Variants in ADGRB3 observed in about 807,000 individuals in gnomAD.
ADGRB3 encodes brain-specific angiogenesis inhibitor 3.
Under a neutral mutation model 193.4 loss-of-function variants are expected in ADGRB3, and 37 were observed. The observed-to-expected ratio is 0.19, with a 90% CI of 0.15 to 0.25. The LOEUF is 0.25. Ranked by LOEUF, ADGRB3 falls within the 10% of genes least tolerant of loss-of-function variation. The pLI, the probability that ADGRB3 is intolerant of heterozygous loss-of-function variation, is 1.00. For synonymous variants in ADGRB3, 690 were observed against 644.2 expected (o/e 1.07, Z -1.08); for missense variants, 1,637 against 1,852.9 (o/e 0.88, Z 2.14).
chr6:68,930,044 A>G lies in ADGRB3; in HGVS notation c.758-515A>G, dbSNP rs543310771. On this transcript the variant is annotated intron_variant, in intron 3 of 31. Transcript: ENST00000370598. The stretch of plus-strand genomic sequence containing the variant: ...ATTCCATGAGCCTTTGAGAACACCA[A>G]GGGCAACCTCATCTTTGGATGAAAA... 4.6e-5 allele frequency among the ~76,000 whole-genome samples: 7 copies of G among 151,930 alleles called. No individual in the cohort carries two copies. The South Asian group carries it at 1.2e-3, about 27-fold the overall frequency.
chr6:69,212,352 A>T (rs915238131), intron 17 of ADGRB3, among the ~76,000 whole-genome samples: 1 of 152,200 alleles, frequency 6.6e-6, no homozygotes, highest in Non-Finnish European at 1.5e-5. Flanking sequence ...GGAGAAACAT[A>T]AGACTGTTTA....
At chr6:68,771,591 C>T (rs1164465888) in intron 3 of ADGRB3, among the ~76,000 whole-genome samples, 2 of 152,030 alleles carry the variant, frequency 1.3e-5, no homozygotes, top group Non-Finnish European at 2.9e-5. Flanking sequence ...ACTGACAATA[C>T]AGCAGTAATG....
chr6:68,900,519 G>C (rs1766365457), intron 3 of ADGRB3, among the ~76,000 whole-genome samples: 1 of 152,080 alleles, frequency 6.6e-6, no homozygotes, highest in East Asian at 1.9e-4. Flanking sequence ...ATTGACTTCA[G>C]CAGAAAAAGA....
chr6:69,247,391 G>C (rs1223488368), intron 20 of ADGRB3, among the ~76,000 whole-genome samples: 1 of 152,088 alleles, frequency 6.6e-6, no homozygotes, highest in East Asian at 1.9e-4. Flanking sequence ...TTCTGGCTTG[G>C]CAACAAGAGC....
chr6:69,125,555 G>A (rs1479534294), intron 17 of ADGRB3, among the ~76,000 whole-genome samples: 1 of 152,046 alleles, frequency 6.6e-6, no homozygotes. Context: ...CCTTCCACGT[G>A]GAAGCAGGCC....
intron 3 of ADGRB3, among the ~76,000 whole-genome samples, chr6:68,918,857 A>G (rs550030168): frequency 6.6e-6 from 1 of 152,294 alleles, no homozygotes; most frequent in Admixed American, 6.5e-5. Flanking sequence ...GGCATTTAAT[A>G]AAAGTTGGAT....
At chr6:69,074,635 C>T (rs1225789590) in intron 16 of ADGRB3, among the ~76,000 whole-genome samples, 1 of 151,458 alleles carries the variant, frequency 6.6e-6, no homozygotes, top group Admixed American at 6.6e-5. Flanking sequence ...AGCTCCACCT[C>T]CTGGGTTGAC....
chr6:68,661,577 G>A, intron 3 of ADGRB3, among the ~76,000 whole-genome samples: 1 of 113,224 alleles, frequency 8.8e-6, no homozygotes, highest in Non-Finnish European at 1.8e-5. Context: ...ATATAGTTAT[G>A]ACCTATGGCT....
chr6:68,922,621 T>A (rs143489704), intron 3 of ADGRB3, among the ~76,000 whole-genome samples: 2 of 152,210 alleles, frequency 1.3e-5, no homozygotes, highest in African/African-American at 4.8e-5. Context: ...GAGAAAAAAA[T>A]GTAATTTTAG....
rs1000761626 is a variant in ADGRB3, at chr6:69,078,699, C to T, written c.2480+2661C>T. ...ACATCTCTCCCTGAGGATATCTCTG[C>T]TCACATAATCCAAAATGTTGCCCTG... On this transcript the variant is annotated intron_variant, in intron 17 of 31. Coordinates refer to ENST00000370598, the MANE Select transcript of ADGRB3 (RefSeq NM_001704.3). 3.3e-5 allele frequency among the ~76,000 whole-genome samples: 5 copies of T among 152,126 alleles called. No homozygotes were observed. In the South Asian group the frequency reaches 6.2e-4, roughly 19 times the overall value.
intron 12 of ADGRB3, among the ~76,000 whole-genome samples, chr6:69,017,230 C>G (rs2150286631): frequency 6.6e-6 from 1 of 152,030 alleles, no homozygotes; most frequent in East Asian, 1.9e-4. Flanking sequence ...CTTTGAAATA[C>G]ACATGTGCCT....
At chr6:69,334,572 C>G (rs1768802944) in intron 24 of ADGRB3, among the ~76,000 whole-genome samples, 1 of 152,124 alleles carries the variant, frequency 6.6e-6, no homozygotes, top group Non-Finnish European at 1.5e-5. Context: ...GCACAGCTTT[C>G]TAGATCATTT....
Position 69,228,442 on chromosome 6 carries a change from A to G in ADGRB3, c.2481-4848A>G, listed in dbSNP as rs534482487. On this transcript the variant is annotated intron_variant, in intron 17 of 31. Coordinates refer to ENST00000370598, the MANE Select transcript of ADGRB3 (RefSeq NM_001704.3). ...CAAGGTGAACGTATCAACTAATATT[A>G]TGATGTTGAATGGAAAGCATTAACA... 7.2e-5 allele frequency among the ~76,000 whole-genome samples: 11 copies of G among 152,320 alleles called. No individual in the cohort carries two copies. The South Asian group carries it at 2.3e-3, about 32-fold the overall frequency.
At chr6:69,210,149 C>CATATATATATATATATACATATATATAT (rs1765629252) in intron 17 of ADGRB3, among the ~76,000 whole-genome samples, 1 of 78,940 alleles carries the variant, frequency 1.3e-5, no homozygotes, top group African/African-American at 6.3e-5. Context: ...TAATATATAT[C>CATATATATATATATATACATATATATAT]ATATATATAT....
At chr6:69,187,165 G>A (rs1765088540) in intron 17 of ADGRB3, among the ~76,000 whole-genome samples, 1 of 151,932 alleles carries the variant, frequency 6.6e-6, no homozygotes, top group Admixed American at 6.6e-5. Flanking sequence ...GTATGTTTGT[G>A]TCCATGGGAG....
At chr6:68,703,704 C>A (rs1382544052) in intron 3 of ADGRB3, among the ~76,000 whole-genome samples, 1 of 152,102 alleles carries the variant, frequency 6.6e-6, no homozygotes, top group Non-Finnish European at 1.5e-5. Flanking sequence ...CTCACTGCAA[C>A]CTCCGCCTCC....
rs532032404 is a variant in ADGRB3 at position 69,183,370 on chromosome 6, C to T, written c.2481-49920C>T. Among the ~76,000 whole-genome samples, 8 of 152,096 alleles carry T rather than the reference C, an allele frequency of 5.3e-5. 1 individual carries two copies. The South Asian group carries it at 1.5e-3, about 28-fold the overall frequency. ...GTACTTTCCCTTTTGTTATAAGTGC[C>T]TCTTTTTATAAGTAGTGAAGACTGT... On this transcript the variant is annotated intron_variant, in intron 17 of 31. Transcript: ENST00000370598.
intron 10 of ADGRB3, among the ~76,000 whole-genome samples, chr6:68,976,478 A>G (rs1413587615): frequency 6.6e-6 from 1 of 152,168 alleles, no homozygotes; most frequent in East Asian, 1.9e-4. Flanking sequence ...CACCCAGGGC[A>G]GTCGAAAATC....
chr6:69,310,739 T>G (rs530539221), intron 20 of ADGRB3, among the ~76,000 whole-genome samples: 12 of 151,838 alleles, frequency 7.9e-5, no homozygotes, highest in African/African-American at 2.7e-4. Flanking sequence ...AGGATTTTCT[T>G]ACATTGGATA....
Sources: allele counts gnomAD v4.1 joint callset (sites outside exome capture counted in the v4.1 genomes callset), GRCh38; gene constraint gnomAD v4.1.1; transcripts MANE v1.5; gene names NCBI Gene and HGNC (gene_info 2026-07-23, HGNC 2026-07-21).